Variants in GNB1L observed in about 807,000 individuals in gnomAD.
GNB1L encodes G protein subunit beta 1 like, also known as guanine nucleotide-binding protein subunit beta-like protein 1.
A neutral mutation model predicts 29.1 loss-of-function variants in GNB1L; 20 were observed. The observed-to-expected ratio is 0.69, with a 90% confidence interval of 0.48 to 1.00. GNB1L has a LOEUF of 1.00. Ranked by LOEUF, GNB1L falls within the 50% of genes least tolerant of loss-of-function variation. GNB1L has a pLI of 0.00. For missense variants in GNB1L, 421 were observed against 464.9 expected, an observed-to-expected ratio of 0.91 and a Z score of 0.87; for synonymous variants, 193 against 206.5, an observed-to-expected ratio of 0.93 and a Z score of 0.56.
At chr22:19,791,168 G>C (rs187239336) in intron 7 of GNB1L, among the ~76,000 whole-genome samples, 147 of 152,338 alleles carry the variant, frequency 9.6e-4, no homozygotes, top group African/African-American at 3.4e-3. Context: ...AGGAGTTTGA[G>C]GCTGCAGTGA....
rs1938074110 is a variant in GNB1L, at chr22:19,850,719, C to A, written c.-21+3724G>T. ...AGCAGAGAGGGTGGGGCTAGGGGGA[C>A]AGACACAGAAACCCCATACAGGAAC... On this transcript the variant is annotated intron_variant, in intron 2 of 7. Coordinates refer to ENST00000329517, the MANE Select transcript of GNB1L (RefSeq NM_053004.3). The A allele has an allele frequency of 3.2e-6, 4 of 1,236,262 alleles. No individual in the cohort carries two copies. The East Asian group carries it at 9.4e-5, about 29-fold the overall frequency. 76.6% of individuals were successfully genotyped at this position (1,236,262 alleles called of 1,614,324 possible).
intron 2 of GNB1L, among the ~76,000 whole-genome samples, chr22:19,829,425 G>A (rs777656922): frequency 7.9e-5 from 12 of 151,954 alleles, no homozygotes; most frequent in Non-Finnish European, 1.3e-4. Context: ...AAACAAAAAG[G>A]TCTTATCAAA....
Position 19,783,503 on chromosome 22 carries a change from T to A in GNB1L, c.*5206A>T. On this transcript the variant is annotated 3_prime_UTR_variant, in exon 8 of 8. Transcript: ENST00000329517. ...AGTTGGAGGCTGCAGTAAGCTATGATCATGCCACTGCACTCCAGCCTGGGT... is the reference window on the plus strand; with the variant it reads ...AGTTGGAGGCTGCAGTAAGCTATGAACATGCCACTGCACTCCAGCCTGGGT... 4.2e-6 allele frequency: 1 copy of A among 240,032 alleles called. No homozygotes were observed. Among genetic ancestry groups the A allele is most frequent in the Non-Finnish European group, 8.3e-6 (1 of 120,212 alleles). The allele number at this position is 240,032 out of a possible 1,614,324, so 14.9% of individuals were successfully genotyped here.
In GNB1L at chr22:19,784,253, T is replaced by C. The variant is rs1480575519; in HGVS notation, c.*4456A>G. 1 of 152,234 alleles carries C rather than the reference T, an allele frequency of 6.6e-6. No homozygotes were observed. Among genetic ancestry groups the C allele is most frequent in the African/African-American group, 2.4e-5 (1 of 41,446 alleles). The allele number at this position is 152,234 out of a possible 1,614,324, so 9.4% of individuals were successfully genotyped here. Reference sequence around the variant, plus strand: ...AGAGACACAGGTGGGAAACACCTGATTGAACATCATTGCCTGGGGAGTGGA... The same window carrying C: ...AGAGACACAGGTGGGAAACACCTGACTGAACATCATTGCCTGGGGAGTGGA... On this transcript the variant is annotated 3_prime_UTR_variant, in exon 8 of 8. Coordinates refer to ENST00000329517, the MANE Select transcript of GNB1L (RefSeq NM_053004.3).
In GNB1L at chr22:19,823,918, G is replaced by C. The variant is rs148986803; in HGVS notation, c.-20-2543C>G. 2.5e-3 allele frequency among the ~76,000 whole-genome samples: 374 copies of C among 152,346 alleles called. 2 individuals carry two copies. Among genetic ancestry groups the C allele is most frequent in the African/African-American group, 8.7e-3 (362 of 41,590 alleles). ...GTATGTGCACACACAGCACAGAGAA[G>C]CACACACACAGACAGCACGGCGGCC... is the stretch of plus-strand genomic sequence containing the variant. On this transcript the variant is annotated intron_variant, in intron 2 of 7. Coordinates refer to ENST00000329517, the MANE Select transcript of GNB1L (RefSeq NM_053004.3).
chr22:19,801,827 G>A (rs1187020000), intron 7 of GNB1L, among the ~76,000 whole-genome samples, 174 bp downstream of exon 7: 1 of 152,148 alleles, frequency 6.6e-6, no homozygotes, highest in Non-Finnish European at 1.5e-5. Context: ...GTCTGCCAGC[G>A]CCCACGCCCC....
chr22:19,802,953 C>T (rs1569040965), intron 6 of GNB1L, among the ~76,000 whole-genome samples: 1 of 152,236 alleles, frequency 6.6e-6, no homozygotes, highest in Admixed American at 6.5e-5. Context: ...CCGTCAGTCC[C>T]CGGCACCAAG....
Position 19,783,393 on chromosome 22 carries a change from C to A in GNB1L, c.*5316G>T. On this transcript the variant is annotated 3_prime_UTR_variant, in exon 8 of 8. Coordinates refer to ENST00000329517, the MANE Select transcript of GNB1L (RefSeq NM_053004.3). The stretch of plus-strand genomic sequence containing the variant: ...AGATGTGCTGCTGTTCCCAGGCCAC[C>A]TGCACAGCTGGATGGTGGAAGCAGT... The A allele has an allele frequency of 2.9e-6, 1 of 338,984 alleles. No individual in the cohort carries two copies. The highest frequency in any genetic ancestry group is 2.4e-5 in the South Asian group (1 of 41,942). The allele number at this position is 338,984 out of a possible 1,614,324, so 21.0% of individuals were successfully genotyped here.
intron 7 of GNB1L, among the ~76,000 whole-genome samples, chr22:19,789,723 G>A (rs1201492163): frequency 6.6e-6 from 1 of 151,944 alleles, no homozygotes; most frequent in Non-Finnish European, 1.5e-5. Context: ...GCATGTGCCT[G>A]TAATCCCAAC....
At chr22:19,813,867 G>A (rs956211984) in intron 4 of GNB1L, among the ~76,000 whole-genome samples, 16 of 152,052 alleles carry the variant, frequency 1.1e-4, no homozygotes, top group Admixed American at 9.8e-4. Flanking sequence ...ATGGTGGTGC[G>A]TGCCTGTAGT....
At chr22:19,851,646 C>A (rs1256865493) in intron 2 of GNB1L, 6 of 1,593,412 alleles carry the variant, frequency 3.8e-6, no homozygotes, top group Non-Finnish European at 5.1e-6. Context: ...AGCTGAGGGG[C>A]CACTGGCAGC....
In GNB1L at chr22:19,821,393, G is replaced by C. The variant is rs1569047661; in HGVS notation, c.-20-18C>G. On this transcript the variant is annotated intron_variant, in intron 2 of 7. Transcript: ENST00000329517. ...GCAGTTACCTGGGCACCAAGGGAGG[G>C]CGTGTGAGTGACTGCGTCCCTATTC... 1 of 1,605,838 alleles carries C rather than the reference G, an allele frequency of 6.2e-7. No individual in the cohort carries two copies. The highest frequency in any genetic ancestry group is 8.5e-7 in the Non-Finnish European group (1 of 1,177,560).
At chr22:19,803,873 C>T (rs890028217) in intron 6 of GNB1L, among the ~76,000 whole-genome samples, 4 of 152,258 alleles carry the variant, frequency 2.6e-5, no homozygotes, top group Admixed American at 6.5e-5. Flanking sequence ...CCCTCCTCCC[C>T]GGCACTTTCC....
chr22:19,827,797 G>A (rs1229927530), intron 2 of GNB1L, among the ~76,000 whole-genome samples: 1 of 152,244 alleles, frequency 6.6e-6, no homozygotes, highest in East Asian at 1.9e-4. Context: ...CTTGCACACC[G>A]TATGACTCGG....
At chr22:19,822,594 A>C (rs1395591467) in intron 2 of GNB1L, among the ~76,000 whole-genome samples, 2 of 152,196 alleles carry the variant, frequency 1.3e-5, no homozygotes. Context: ...AGCCTGTCAC[A>C]GGGGGCCTTT....
intron 2 of GNB1L, chr22:19,850,771 G>A: frequency 8.0e-7 from 1 of 1,251,848 alleles, no homozygotes; most frequent in Non-Finnish European, 1.0e-6. Context: ...AGACGTGGCA[G>A]ACCCAGTTCA....
intron 2 of GNB1L, among the ~76,000 whole-genome samples, chr22:19,823,801 GCACA>G (rs139151284): frequency 6.6e-6 from 1 of 151,942 alleles, no homozygotes; most frequent in Non-Finnish European, 1.5e-5. Flanking sequence ...ACCCATATGT[GCACA>G]CACACACATG....
At position 19,783,675 on chromosome 22, in the gene GNB1L, A is replaced by C. The variant is rs5993829; in HGVS notation, c.*5034T>G. 0.023 allele frequency: 3,606 copies of C among 158,844 alleles called. 111 individuals are homozygous for C. The highest frequency in any genetic ancestry group is 0.074 in the African/African-American group (3,067 of 41,602). 9.8% of individuals were successfully genotyped at this position (158,844 alleles called of 1,614,324 possible). On this transcript the variant is annotated 3_prime_UTR_variant, in exon 8 of 8. Transcript: ENST00000329517. ...CGTTGTCCCCATCGTCCGTGGCTTC[A>C]TCCCTCAACTGATGCTTTCCTATGT...
At chr22:19,813,207 C>T (rs1415921622) in intron 4 of GNB1L, among the ~76,000 whole-genome samples, 1 of 152,174 alleles carries the variant, frequency 6.6e-6, no homozygotes, top group African/African-American at 2.4e-5. Context: ...AGGCGTCTCC[C>T]GGTGCTGTCC....
Sources: allele counts gnomAD v4.1 joint callset (sites outside exome capture counted in the v4.1 genomes callset), GRCh38; gene constraint gnomAD v4.1.1; transcripts MANE v1.5; gene names NCBI Gene and HGNC (gene_info 2026-07-23, HGNC 2026-07-21).